The following SMIM33 variants were observed in gnomAD, a reference collection of about 807,000 sequenced individuals.
SMIM33 encodes the protein small integral membrane protein 33.
intron 1 of SMIM33, among the ~76,000 whole-genome samples, chr5:139,471,814 T>C (rs553970955): frequency 6.6e-6 from 1 of 152,214 alleles, no homozygotes; most frequent in Non-Finnish European, 1.5e-5. Flanking sequence ...GGTACAGTTA[T>C]GGAAAGAGGC....
chr5:139,472,784 G>A lies in SMIM33; in HGVS notation c.262G>A (p.Gly88Ser), dbSNP rs13153461. The change falls in exon 2 of 2, where the codon GGC (glycine) becomes AGC (serine). Residue 88 changes from glycine to serine, a missense_variant. By Grantham distance (56) the Gly-to-Ser change is moderately conservative. Coordinates refer to ENST00000637503, the MANE Select transcript of SMIM33 (RefSeq NM_001365197.1). The stretch of plus-strand genomic sequence containing the variant: ...GCCACCGACCCCAAAGCCAGATGGT[G>A]GCATCTACCTCATCCACTGGCGGGT... ...TEPPTPKPDG[G>S]IYLIHWRVLG... The A allele has an allele frequency of 0.61, 243,775 of 400,704 alleles. 81,714 individuals carry two copies. Among genetic ancestry groups the A allele is most frequent in the Non-Finnish European group, 0.72 (163,694 of 226,308 alleles). 24.8% of individuals were successfully genotyped at this position (400,704 alleles called of 1,614,324 possible). A position where few individuals can be genotyped will look rare whatever the true frequency, so the allele number is the denominator to read the frequency against.
In SMIM33 at chr5:139,471,878, G is replaced by A. The variant is rs561012978; in HGVS notation, c.10-654G>A. Among the ~76,000 whole-genome samples, 7 of 152,218 alleles carry A rather than the reference G, an allele frequency of 4.6e-5. No homozygotes were observed. The South Asian group carries it at 6.2e-4, about 14-fold the overall frequency. On this transcript the variant is annotated intron_variant, in intron 1 of 1. Coordinates refer to ENST00000637503, the MANE Select transcript of SMIM33 (RefSeq NM_001365197.1). The stretch of plus-strand genomic sequence containing the variant: ...CTCTACCTCTACCTCTACCTCTCCC[G>A]CCGCCAGGGCACCACCTGTCTGTCT...
In SMIM33 at chr5:139,472,891, GC is replaced by G. The variant is rs1205339789; in HGVS notation, c.372del (p.Ser125AlafsTer16). 1.5e-5 allele frequency: 6 copies of G among 400,738 alleles called. No homozygotes were observed. Among genetic ancestry groups the G allele is most frequent in the East Asian group, 7.1e-5 (2 of 28,094 alleles). The allele number at this position is 400,738 out of a possible 1,614,324, so 24.8% of individuals were successfully genotyped here. On this transcript the variant is annotated frameshift_variant, in exon 2 of 2. Coordinates refer to ENST00000637503, the MANE Select transcript of SMIM33 (RefSeq NM_001365197.1). LOFTEE classifies it high-confidence loss of function. ...CCTGCCCTGCGCCAGATGGACCCAGGCCCAGCATCGATGAAGTCACTTGTCT... is the reference window on the plus strand; with the variant it reads ...CCTGCCCTGCGCCAGATGGACCCAGGCCAGCATCGATGAAGTCACTTGTCT... ...GSCPAPDGPR[P>X]SIDEVTCL
At chr5:139,471,247 C>G in intron 1 of SMIM33, 117 bp downstream of exon 1, 2 of 398,696 alleles carry the variant, frequency 5.0e-6, no homozygotes, top group Non-Finnish European at 8.8e-6. Context: ...CTTCCCCACC[C>G]CCTGCCCTGG....
chr5:139,471,895 T>C (rs765982131), intron 1 of SMIM33, among the ~76,000 whole-genome samples: 1 of 152,182 alleles, frequency 6.6e-6, no homozygotes, highest in African/African-American at 2.4e-5. Flanking sequence ...GGGCACCACC[T>C]GTCTGTCTTC....
chr5:139,471,308 G>A (rs533375835), intron 1 of SMIM33, among the ~76,000 whole-genome samples, 178 bp downstream of exon 1: 4 of 152,310 alleles, frequency 2.6e-5, no homozygotes, highest in South Asian at 2.1e-4. Context: ...GGTGGGGGGT[G>A]TGCCTTTCCA....
In SMIM33 at chr5:139,472,670, G is replaced by A. The variant is rs536041943; in HGVS notation, c.148G>A (p.Ala50Thr). 3 of 400,702 alleles carry A rather than the reference G, an allele frequency of 7.5e-6. No individual in the cohort carries two copies. Among genetic ancestry groups the A allele is most frequent in the South Asian group, 1.3e-4 (1 of 7,956 alleles). The allele number at this position is 400,702 out of a possible 1,614,324, so 24.8% of individuals were successfully genotyped here. The part of the protein sequence containing the change: ...DGLPVVTVIV[A>T]VFVLLAVCII... ...GCTGCCTGTGGTCACCGTCATTGTC[G>A]CTGTCTTTGTTCTGCTGGCAGTCTG... Residue 50 changes from alanine (A) to threonine (T), a missense_variant, in exon 2 of 2, where the codon GCT (alanine) becomes ACT (threonine). Ala to Thr is a moderately conservative substitution (Grantham distance 58). Transcript: ENST00000637503.
At chr5:139,472,454 G>C (rs1751551216) in intron 1 of SMIM33, 78 bp from the exon 2 acceptor site, 1 of 398,510 alleles carries the variant, frequency 2.5e-6, no homozygotes, top group East Asian at 3.6e-5. Context: ...TCCTTTGGGT[G>C]TTTGTCTCTT....
chr5:139,471,758 T>C (rs1277527174), intron 1 of SMIM33, among the ~76,000 whole-genome samples: 1 of 152,010 alleles, frequency 6.6e-6, no homozygotes, highest in South Asian at 2.1e-4. Context: ...CCCCCTCTCC[T>C]CCAGGACCCC....
intron 1 of SMIM33, among the ~76,000 whole-genome samples, chr5:139,471,648 C>A (rs1007392275): frequency 6.6e-6 from 1 of 152,090 alleles, no homozygotes; most frequent in African/African-American, 2.4e-5. Context: ...GATCGTGACC[C>A]CCAGCTTTTG....
chr5:139,471,590 C>T (rs1751536308), intron 1 of SMIM33, among the ~76,000 whole-genome samples: 1 of 152,110 alleles, frequency 6.6e-6, no homozygotes, highest in South Asian at 2.1e-4. Flanking sequence ...ACTACAATGC[C>T]ACCACCCCCA....
In SMIM33 at chr5:139,473,239, C is replaced by T. The variant is rs756165505; in HGVS notation, c.*318C>T. The T allele has an allele frequency of 7.6e-5, 18 of 235,614 alleles. No individual in the cohort carries two copies. Among genetic ancestry groups the T allele is most frequent in the South Asian group, 1.8e-4 (1 of 5,618 alleles). The allele number at this position is 235,614 out of a possible 1,614,324, so 14.6% of individuals were successfully genotyped here. A position where few individuals can be genotyped will look rare whatever the true frequency, so the allele number is the denominator to read the frequency against. ...TCTGAGTCTCTGCCCCTTCATTGCA[C>T]GCTTAATCTCCTTCCTTTGTAATGT... On this transcript the variant is annotated 3_prime_UTR_variant, in exon 2 of 2. Transcript: ENST00000637503.
intron 1 of SMIM33, among the ~76,000 whole-genome samples, chr5:139,471,428 T>C (rs998096016): frequency 9.9e-5 from 15 of 152,062 alleles, no homozygotes; most frequent in African/African-American, 3.6e-4. Context: ...GGGAGGGCCA[T>C]GCTGAGAGTG....
At position 139,472,519 on chromosome 5, in the gene SMIM33, A is replaced by T. The variant is rs1751552668; in HGVS notation, c.10-13A>T. Reference sequence around the variant, plus strand: ...ATCCATGTCACCCTCTCTCTCTGCCACTCTCCTCCCAGGCTGGCCACTACT... The same window carrying T: ...ATCCATGTCACCCTCTCTCTCTGCCTCTCTCCTCCCAGGCTGGCCACTACT... On this transcript the variant is annotated splice_polypyrimidine_tract_variant and intron_variant, in intron 1 of 1. Transcript: ENST00000637503. 2.5e-6 allele frequency: 1 copy of T among 398,672 alleles called. No individual in the cohort carries two copies. The allele number at this position is 398,672 out of a possible 1,614,324, so 24.7% of individuals were successfully genotyped here.
Position 139,472,928 on chromosome 5 carries a change from G to A in SMIM33, c.*7G>A, listed in dbSNP as rs1303657194. The stretch of plus-strand genomic sequence containing the variant: ...TGAAGTCACTTGTCTGTAGGAGGGA[G>A]ACTTTGGAGAGTTAGCCTGACCTAG... On this transcript the variant is annotated 3_prime_UTR_variant, in exon 2 of 2. Coordinates refer to ENST00000637503, the MANE Select transcript of SMIM33 (RefSeq NM_001365197.1). 5.0e-6 allele frequency: 2 copies of A among 400,614 alleles called. No homozygotes were observed. The highest frequency in any genetic ancestry group is 4.1e-5 in the African/African-American group (2 of 48,698). 24.8% of individuals were successfully genotyped at this position (400,614 alleles called of 1,614,324 possible). A position where few individuals can be genotyped will look rare whatever the true frequency, so the allele number is the denominator to read the frequency against.
At chr5:139,471,309 T>C (rs934331527) in intron 1 of SMIM33, among the ~76,000 whole-genome samples, 179 bp downstream of exon 1, 19 of 152,134 alleles carry the variant, frequency 1.2e-4, no homozygotes, top group South Asian at 1.0e-3. Context: ...GTGGGGGGTG[T>C]GCCTTTCCAC....
intron 1 of SMIM33, among the ~76,000 whole-genome samples, chr5:139,472,279 C>G (rs1038679999): frequency 3.3e-5 from 5 of 151,916 alleles, no homozygotes; most frequent in African/African-American, 9.7e-5. Context: ...CTTTCTTTCT[C>G]CCTCTCTGTA....
At position 139,473,240 on chromosome 5, in the gene SMIM33, G is replaced by A. The variant is rs1433102067; in HGVS notation, c.*319G>A. 1 of 235,454 alleles carries A rather than the reference G, an allele frequency of 4.2e-6. No homozygotes were observed. Among genetic ancestry groups the A allele is most frequent in the Non-Finnish European group, 8.1e-6 (1 of 123,016 alleles). 14.6% of individuals were successfully genotyped at this position (235,454 alleles called of 1,614,324 possible). A position where few individuals can be genotyped will look rare whatever the true frequency, so the allele number is the denominator to read the frequency against. ...CTGAGTCTCTGCCCCTTCATTGCAC[G>A]CTTAATCTCCTTCCTTTGTAATGTG... On this transcript the variant is annotated 3_prime_UTR_variant, in exon 2 of 2. Coordinates refer to ENST00000637503, the MANE Select transcript of SMIM33 (RefSeq NM_001365197.1).
rs1751570365 is a variant in SMIM33, at chr5:139,473,417, T to C, written c.*496T>C. 1 of 152,508 alleles carries C rather than the reference T, an allele frequency of 6.6e-6. No individual in the cohort carries two copies. The highest frequency in any genetic ancestry group is 1.5e-5 in the Non-Finnish European group (1 of 68,270). 9.4% of individuals were successfully genotyped at this position (152,508 alleles called of 1,614,324 possible). A position where few individuals can be genotyped will look rare whatever the true frequency, so the allele number is the denominator to read the frequency against. On this transcript the variant is annotated 3_prime_UTR_variant, in exon 2 of 2. Transcript: ENST00000637503. ...GGGAAGTGACGAACGTCTGTTCTCC[T>C]TGGGGCAGTCAGTCAGGGGCAGTCC...
Sources: allele counts gnomAD v4.1 joint callset (sites outside exome capture counted in the v4.1 genomes callset), GRCh38; gene constraint gnomAD v4.1.1; transcripts MANE v1.5; gene names NCBI Gene and HGNC (gene_info 2026-07-23, HGNC 2026-07-21).